Variants in PSMB2 observed in about 807,000 individuals in gnomAD.
The protein encoded by PSMB2 is proteasome subunit beta type-2.
Under a neutral mutation model 25.7 loss-of-function variants are expected in PSMB2, and 13 were observed. The ratio of observed to expected loss-of-function variants is 0.51; its 90% CI spans 0.33 to 0.80. PSMB2 has a LOEUF of 0.80. Among genes scored for constraint, PSMB2 ranks in the 30% least tolerant of loss-of-function variants. The probability of loss-of-function intolerance (pLI) is 0.02; values close to 1 mark genes in which losing one functional copy is unlikely to be tolerated. For missense variants in PSMB2, 202 were observed against 259.0 expected, an observed-to-expected ratio of 0.78 and a Z score of 1.51; for synonymous variants, 87 against 96.2, an observed-to-expected ratio of 0.90 and a Z score of 0.56.
chr1:35,629,304 T>C (rs571794230), intron 3 of PSMB2, among the ~76,000 whole-genome samples: 1 of 152,346 alleles, frequency 6.6e-6, no homozygotes, highest in East Asian at 1.9e-4. Flanking sequence ...ATTTAGTCCC[T>C]GTGGGAAGGG....
At chr1:35,603,616 C>A (rs1426272378) in intron 5 of PSMB2, among the ~76,000 whole-genome samples, 1 of 152,182 alleles carries the variant, frequency 6.6e-6, no homozygotes, top group African/African-American at 2.4e-5. Context: ...AAGAGCCTGT[C>A]TCTGGTCAGT....
intron 1 of PSMB2, among the ~76,000 whole-genome samples, chr1:35,638,610 A>G (rs189554614): frequency 6.6e-6 from 1 of 152,370 alleles, no homozygotes; most frequent in Non-Finnish European, 1.5e-5. Flanking sequence ...TCAGTGTTAG[A>G]TAATGTAGTT....
Position 35,603,045 on chromosome 1 carries a change from C to G in PSMB2, c.*222G>C, listed in dbSNP as rs1650051402. On this transcript the variant is annotated 3_prime_UTR_variant, in exon 6 of 6. Transcript: ENST00000373237. Reference sequence around the variant, plus strand: ...TACTGAGCGTTAATGGAGGGCGGAGCAGGAAGAAAAGTCAGACCTGGCAAA... The same window carrying G: ...TACTGAGCGTTAATGGAGGGCGGAGGAGGAAGAAAAGTCAGACCTGGCAAA... 1.5e-6 allele frequency: 2 copies of G among 1,304,954 alleles called. No individual in the cohort carries two copies. Among genetic ancestry groups the G allele is most frequent in the Admixed American group, 7.3e-5 (2 of 27,512 alleles). The allele number at this position is 1,304,954 out of a possible 1,614,324, so 80.8% of individuals were successfully genotyped here. A position where few individuals can be genotyped will look rare whatever the true frequency, so the allele number is the denominator to read the frequency against.
chr1:35,635,596 C>G (rs1210280801), intron 2 of PSMB2, among the ~76,000 whole-genome samples: 1 of 151,750 alleles, frequency 6.6e-6, no homozygotes. Flanking sequence ...TTTGGGAGGC[C>G]GAGGTGGGCA....
intron 4 of PSMB2, among the ~76,000 whole-genome samples, chr1:35,608,671 C>T (rs898059284): frequency 3.9e-5 from 6 of 152,144 alleles, no homozygotes; most frequent in Non-Finnish European, 7.3e-5. Flanking sequence ...GCCAAACTGA[C>T]GCTTTACGGA....
intron 2 of PSMB2, among the ~76,000 whole-genome samples, chr1:35,634,229 C>T (rs1651181117): frequency 6.6e-6 from 1 of 152,082 alleles, no homozygotes; most frequent in Admixed American, 6.6e-5. Context: ...TTTAGGTTTA[C>T]AAAATATTTT....
chr1:35,600,010 C>T lies in PSMB2; in HGVS notation c.*3257G>A, dbSNP rs1003579101. 1.7e-6 allele frequency: 1 copy of T among 571,924 alleles called. No individual in the cohort carries two copies. The highest frequency in any genetic ancestry group is 2.2e-6 in the Non-Finnish European group (1 of 452,700). 35.4% of individuals were successfully genotyped at this position (571,924 alleles called of 1,614,324 possible). On this transcript the variant is annotated 3_prime_UTR_variant, in exon 6 of 6. Transcript: ENST00000373237. ...AATTAGCTGGGTGCAGTGGTGCACC[C>T]CTCTAGTCCCAGCTAGTTGGGAGGC... is the stretch of plus-strand genomic sequence containing the variant.
At chr1:35,635,369 A>G (rs376343893) in intron 2 of PSMB2, among the ~76,000 whole-genome samples, 5 of 152,016 alleles carry the variant, frequency 3.3e-5, no homozygotes, top group African/African-American at 9.6e-5. Flanking sequence ...GTCCTCCCCA[A>G]TTGCTGGGAT....
chr1:35,631,609 T>A, intron 2 of PSMB2: 1 of 741,596 alleles, frequency 1.3e-6, no homozygotes, highest in Non-Finnish European at 1.8e-6. Context: ...TTGCTTAAAC[T>A]ATTCATTCAT....
At chr1:35,631,567 AG>A in intron 2 of PSMB2, 2 of 1,225,434 alleles carry the variant, frequency 1.6e-6, no homozygotes, top group Non-Finnish European at 1.1e-6. Flanking sequence ...AAACAGAACC[AG>A]TTCTATAGTG....
chr1:35,609,567 C>G (rs975533384), intron 3 of PSMB2, among the ~76,000 whole-genome samples, 159 bp from the exon 4 acceptor site: 1 of 152,120 alleles, frequency 6.6e-6, no homozygotes, highest in African/African-American at 2.4e-5. Context: ...TCTAGAGGAC[C>G]TGGAGTATGG....
chr1:35,641,352 C>A lies in PSMB2; in HGVS notation c.81G>T (p.Gln27His). Reference protein sequence around the residue: ...SDRVAASNIVQMKDDHDKMFK... With the variant: ...SDRVAASNIVHMKDDHDKMFK... ...CCTGCTTCCTCTCACCGTCCTTCAT[C>A]TGGACAATATTGCTGGCGGCCACCC... The change falls in exon 1 of 6, where the codon CAG becomes CAT. Residue 27 changes from glutamine (Q) to histidine (H), a missense_variant. Transcript: ENST00000373237. The A allele has an allele frequency of 6.2e-7, 1 of 1,614,150 alleles. No homozygotes were observed. The highest frequency in any genetic ancestry group is 1.7e-5 in the Admixed American group (1 of 60,026).
In PSMB2 at chr1:35,603,284, G is replaced by A. The variant is rs1184929057; in HGVS notation, c.589C>T (p.Pro197Ser). 6.2e-7 allele frequency: 1 copy of A among 1,614,136 alleles called. No individual in the cohort carries two copies. The highest frequency in any genetic ancestry group is 1.1e-5 in the South Asian group (1 of 91,074). ...ACATGATGTTAGGAGCCCTGTTTGG[G>A]GAAGGAAATGTTATCCAGGTCATGG... Reference protein sequence around the residue: ...GIHDLDNISFPKQGS With the variant: ...GIHDLDNISFSKQGS The change falls in exon 6 of 6, where the codon CCC (proline) becomes TCC (serine). Residue 197 changes from proline (P) to serine (S), a missense_variant. By Grantham distance (74) the Pro-to-Ser change is moderately conservative (BLOSUM62 -1). Transcript: ENST00000373237.
chr1:35,637,381 C>T (rs921067313), intron 1 of PSMB2, among the ~76,000 whole-genome samples: 2 of 152,126 alleles, frequency 1.3e-5, no homozygotes, highest in Non-Finnish European at 2.9e-5. Context: ...AAATACCTCA[C>T]AAAAATCCTA....
chr1:35,625,761 C>CAAA (rs113858421), intron 3 of PSMB2, among the ~76,000 whole-genome samples: 1 of 125,296 alleles, frequency 8.0e-6, no homozygotes, highest in East Asian at 2.3e-4. Flanking sequence ...GACTCCGTCT[C>CAAA]AAAAAAAAAA....
At position 35,603,354 on chromosome 1, in the gene PSMB2, C is replaced by G. The variant is rs756837761; in HGVS notation, c.519G>C (p.Leu173=). 6 of 1,613,976 alleles carry G rather than the reference C, an allele frequency of 3.7e-6. No individual in the cohort carries two copies. The highest frequency in any genetic ancestry group is 1.3e-5 in the African/African-American group (1 of 74,904). ...CLEELQKRFI[L]NLPTFSVRII... The stretch of plus-strand genomic sequence containing the variant: ...TTCGAACACTGAAGGTTGGCAGATT[C>G]AGGATGAAGCGTTTCTGGAGCTGCA... Residue 173 remains leucine (L), a synonymous_variant, in exon 6 of 6, where the codon CTG becomes CTC. Transcript: ENST00000373237.
intron 3 of PSMB2, among the ~76,000 whole-genome samples, chr1:35,619,298 A>G (rs571196290): frequency 7.5e-4 from 114 of 152,382 alleles, no homozygotes; most frequent in Non-Finnish European, 1.3e-3. Context: ...TTAAACTTTA[A>G]AAGAAAAACA....
chr1:35,605,312 C>G (rs1472948128), intron 4 of PSMB2, 30 bp from the exon 5 acceptor site: 2 of 1,602,568 alleles, frequency 1.2e-6, no homozygotes, highest in Non-Finnish European at 1.7e-6. Context: ...CCAAATACTT[C>G]CGGTGCTGTC....
In PSMB2 at chr1:35,603,348, C is replaced by T; in HGVS notation, c.525G>A (p.Leu175=). Residue 175 remains leucine (L), a synonymous_variant, in exon 6 of 6, where the codon CTG becomes CTA. Coordinates refer to ENST00000373237, the MANE Select transcript of PSMB2 (RefSeq NM_002794.5). The part of the protein sequence containing the change: ...EELQKRFILN[L]PTFSVRIIDK... ...CAATGATTCGAACACTGAAGGTTGG[C>T]AGATTCAGGATGAAGCGTTTCTGGA... 1.2e-6 allele frequency: 2 copies of T among 1,614,038 alleles called. No individual in the cohort carries two copies. The highest frequency in any genetic ancestry group is 1.7e-6 in the Non-Finnish European group (2 of 1,179,976).
Sources: gnomAD v4.1 joint callset for allele counts (sites outside exome capture counted in the v4.1 genomes callset) on GRCh38, gnomAD v4.1.1 for gene constraint, MANE v1.5 for transcripts, NCBI Gene and HGNC (gene_info 2026-07-23, HGNC 2026-07-21) for gene names.